SEZ6L: variants seen among roughly 807,000 people sequenced by gnomAD.
SEZ6L encodes the protein seizure related 6 homolog like.
A neutral mutation model predicts 106.2 loss-of-function variants in SEZ6L; 37 were observed. The observed-to-expected ratio is 0.35, with a 90% confidence interval of 0.27 to 0.46. The LOEUF (loss-of-function observed/expected upper bound fraction) is 0.46. SEZ6L is among the 20% of genes least tolerant of loss of function. The pLI is 1.00. For synonymous variants in SEZ6L, 541 were observed against 570.4 expected (o/e 0.95, Z 0.73); for missense variants, 1,172 against 1,332.8 (o/e 0.88, Z 1.88).
intron 15 of SEZ6L, among the ~76,000 whole-genome samples, chr22:26,376,569 C>G (rs1468970809): frequency 6.6e-6 from 1 of 151,932 alleles, no homozygotes; most frequent in African/African-American, 2.4e-5. Context: ...TGGTGGAACC[C>G]CGTCTCTACT....
At chr22:26,221,912 G>T (rs2078486059) in intron 1 of SEZ6L, among the ~76,000 whole-genome samples, 1 of 152,226 alleles carries the variant, frequency 6.6e-6, no homozygotes, top group Admixed American at 6.5e-5. Flanking sequence ...CAGTCTTTTA[G>T]AAAGGGCCTT....
intron 1 of SEZ6L, among the ~76,000 whole-genome samples, chr22:26,230,460 G>T (rs1194460407): frequency 3.9e-5 from 6 of 152,324 alleles, no homozygotes; most frequent in Non-Finnish European, 8.8e-5. Flanking sequence ...CAGGCACAGA[G>T]CTGAGTGCTA....
chr22:26,253,860 G>C (rs1340272008), intron 1 of SEZ6L: 2 of 152,180 alleles, frequency 1.3e-5, no homozygotes, highest in African/African-American at 4.8e-5. Context: ...AGGTGATAAT[G>C]AGGAAAAAAG....
intron 1 of SEZ6L, among the ~76,000 whole-genome samples, chr22:26,190,060 G>T (rs995929813): frequency 6.6e-6 from 1 of 151,188 alleles, no homozygotes; most frequent in Non-Finnish European, 1.5e-5. Flanking sequence ...TGGCGCCACT[G>T]CACTCCAGCC....
chr22:26,209,299 A>G (rs1307994301), intron 1 of SEZ6L, among the ~76,000 whole-genome samples: 1 of 152,208 alleles, frequency 6.6e-6, no homozygotes, highest in Non-Finnish European at 1.5e-5. Context: ...TCATATGTCA[A>G]GGTATTCAGG....
chr22:26,217,129 T>C (rs1160314925), intron 1 of SEZ6L, among the ~76,000 whole-genome samples: 1 of 152,172 alleles, frequency 6.6e-6, no homozygotes, highest in African/African-American at 2.4e-5. Flanking sequence ...ACACAATAGC[T>C]TTAAGTACCT....
intron 1 of SEZ6L, among the ~76,000 whole-genome samples, chr22:26,291,325 C>A (rs937832875): frequency 9.2e-5 from 14 of 152,234 alleles, no homozygotes; most frequent in Admixed American, 6.5e-5. Context: ...TTATCCCTAG[C>A]AAACTAAGGC....
intron 7 of SEZ6L, among the ~76,000 whole-genome samples, 160 bp from the exon 8 acceptor site, chr22:26,311,608 C>T (rs1381015327): frequency 2.0e-5 from 3 of 152,110 alleles, no homozygotes; most frequent in African/African-American, 7.2e-5. Context: ...CTGGGTGGCC[C>T]CAGGGTTCTC....
chr22:26,205,337 G>A (rs1413185991), intron 1 of SEZ6L, among the ~76,000 whole-genome samples: 1 of 152,172 alleles, frequency 6.6e-6, no homozygotes, highest in Non-Finnish European at 1.5e-5. Context: ...CCAGTGAGTA[G>A]ACATCAGTTG....
intron 1 of SEZ6L, among the ~76,000 whole-genome samples, chr22:26,211,612 A>T (rs1315420928): frequency 1.3e-5 from 2 of 152,060 alleles, no homozygotes; most frequent in East Asian, 1.9e-4. Context: ...CAAGAAAGTG[A>T]TGGTCAGGCC....
intron 1 of SEZ6L, among the ~76,000 whole-genome samples, chr22:26,236,846 C>A (rs946864217): frequency 2.6e-5 from 4 of 152,112 alleles, no homozygotes; most frequent in African/African-American, 9.7e-5. Context: ...GTGTGGCTAC[C>A]ATTAGCCTCT....
At chr22:26,208,020 C>G (rs963947493) in intron 1 of SEZ6L, among the ~76,000 whole-genome samples, 2 of 151,914 alleles carry the variant, frequency 1.3e-5, no homozygotes, top group African/African-American at 4.8e-5. Context: ...CGCCATTCTC[C>G]TGCCTCAGCC....
intron 1 of SEZ6L, among the ~76,000 whole-genome samples, chr22:26,252,571 C>A (rs1476964012): frequency 6.6e-6 from 1 of 152,174 alleles, no homozygotes; most frequent in African/African-American, 2.4e-5. Flanking sequence ...TGTCCCCCTC[C>A]CTCACTCCTC....
rs142039137 is a variant in SEZ6L, at chr22:26,309,805, C to T, written c.1515-865C>T. Among the ~76,000 whole-genome samples, 25 of 152,276 alleles carry T rather than the reference C, an allele frequency of 1.6e-4. No homozygotes were observed. The East Asian group carries it at 4.6e-3, about 28-fold the overall frequency. ...TGTTGGCCAGGCTACTATCTAACTC[C>T]TGACCTCAGGTGATCCACCCACCTT... On this transcript the variant is annotated intron_variant, in intron 6 of 16. Transcript: ENST00000248933.
chr22:26,175,344 T>C (rs903214974), intron 1 of SEZ6L, among the ~76,000 whole-genome samples: 7 of 152,234 alleles, frequency 4.6e-5, no homozygotes, highest in Non-Finnish European at 1.0e-4. Flanking sequence ...GTTATTTTAA[T>C]TAATTTTAAC....
At chr22:26,174,518 G>A (rs1288334834) in intron 1 of SEZ6L, among the ~76,000 whole-genome samples, 1 of 152,196 alleles carries the variant, frequency 6.6e-6, no homozygotes, top group Non-Finnish European at 1.5e-5. Context: ...TTTGAGCCGC[G>A]GTGTTCGCTG....
intron 1 of SEZ6L, among the ~76,000 whole-genome samples, chr22:26,283,793 G>A (rs190456418): frequency 2.6e-5 from 4 of 152,286 alleles, no homozygotes; most frequent in Admixed American, 2.6e-4. Context: ...CCAGGGGGTG[G>A]AGAAGGAGAT....
Position 26,294,403 on chromosome 22 carries a change from C to A in SEZ6L, c.947C>A (p.Thr316Asn). ...TGCACATACAACGTGACAGTCTACA[C>A]TGGCTATGGGGTGGAGCTCCAGGTA... The part of the protein sequence containing the change: ...LECTYNVTVY[T>N]GYGVELQVKS... The change falls in exon 3 of 17, where the codon ACT becomes AAT. Residue 316 changes from threonine (T) to asparagine (N), a missense_variant. By Grantham distance (65) the Thr-to-Asn change is moderately conservative. Transcript: ENST00000248933. 6.2e-7 allele frequency: 1 copy of A among 1,614,082 alleles called. No homozygotes were observed. The highest frequency in any genetic ancestry group is 8.5e-7 in the Non-Finnish European group (1 of 1,179,984).
At chr22:26,313,571 TACACAC>T (rs56086023) in intron 8 of SEZ6L, among the ~76,000 whole-genome samples, 187 bp from the exon 9 acceptor site, 56 of 103,888 alleles carry the variant, frequency 5.4e-4, no homozygotes, top group South Asian at 1.2e-3. Flanking sequence ...ATTTAATCAT[TACACAC>T]ACACACACAC....
Sources: gnomAD v4.1 joint callset for allele counts (sites outside exome capture counted in the v4.1 genomes callset) on GRCh38, gnomAD v4.1.1 for gene constraint, MANE v1.5 for transcripts, NCBI Gene and HGNC (gene_info 2026-07-23, HGNC 2026-07-21) for gene names.